Variants in ALX1 observed in about 807,000 individuals in gnomAD.
ALX1 encodes the protein ALX homeobox 1.
In ALX1, 19 loss-of-function variants were observed where a neutral mutation model predicts 31.7. That is an observed-to-expected ratio of 0.60 (90% CI 0.42 to 0.88). The LOEUF (loss-of-function observed/expected upper bound fraction) is 0.88. Ranked by LOEUF, ALX1 falls within the 40% of genes least tolerant of loss-of-function variation. ALX1 has a pLI of 0.00. For synonymous variants in ALX1, 153 were observed against 148.8 expected, an observed-to-expected ratio of 1.03 and a Z score of -0.20; for missense variants, 415 against 407.8, an observed-to-expected ratio of 1.02 and a Z score of -0.15.
In ALX1 at chr12:85,296,372, A is replaced by G. The variant is rs1001787585; in HGVS notation, c.661-4783A>G. ...CTCTCTACTGCTTTTAATTCCTTGG[A>G]AAAAAATGAGTATTAAATGAATTAG... On this transcript the variant is annotated intron_variant, in intron 3 of 3. Coordinates refer to ENST00000316824, the MANE Select transcript of ALX1 (RefSeq NM_006982.3). 2.6e-5 allele frequency among the ~76,000 whole-genome samples: 4 copies of G among 151,638 alleles called. No homozygotes were observed. In the South Asian group the frequency reaches 6.2e-4, roughly 24 times the overall value.
chr12:85,288,286 G>C (rs554270290), intron 3 of ALX1, among the ~76,000 whole-genome samples: 2 of 151,462 alleles, frequency 1.3e-5, no homozygotes, highest in South Asian at 4.2e-4. Flanking sequence ...TATTCTTATG[G>C]ATACCTTTTC....
chr12:85,297,300 G>C lies in ALX1; in HGVS notation c.661-3855G>C, dbSNP rs889091763. Among the ~76,000 whole-genome samples, 3 of 151,630 alleles carry C rather than the reference G, an allele frequency of 2.0e-5. No homozygotes were observed. In the Admixed American group the frequency reaches 2.0e-4, roughly 10 times the overall value. On this transcript the variant is annotated intron_variant, in intron 3 of 3. Coordinates refer to ENST00000316824, the MANE Select transcript of ALX1 (RefSeq NM_006982.3). ...TGTATTGGTAAGGGTAAACGGTATTGATAAGCTCAGACATATCCAGAATAA... is the reference window on the plus strand; with the variant it reads ...TGTATTGGTAAGGGTAAACGGTATTCATAAGCTCAGACATATCCAGAATAA...
intron 3 of ALX1, among the ~76,000 whole-genome samples, chr12:85,294,536 C>T (rs955222282): frequency 1.3e-5 from 2 of 151,070 alleles, no homozygotes; most frequent in African/African-American, 4.8e-5. Flanking sequence ...ATACAGTCAA[C>T]ACCAAAGAAA....
Position 85,301,705 on chromosome 12 carries a change from AG to A in ALX1, c.*231del, listed in dbSNP as rs1178282962. 1 of 572,542 alleles carries A rather than the reference AG, an allele frequency of 1.7e-6. No individual in the cohort carries two copies. Among genetic ancestry groups the A allele is most frequent in the African/African-American group, 1.9e-5 (1 of 53,304 alleles). The allele number at this position is 572,542 out of a possible 1,614,324, so 35.5% of individuals were successfully genotyped here. A position where few individuals can be genotyped will look rare whatever the true frequency, so the allele number is the denominator to read the frequency against. On this transcript the variant is annotated 3_prime_UTR_variant, in exon 4 of 4. Coordinates refer to ENST00000316824, the MANE Select transcript of ALX1 (RefSeq NM_006982.3). ...CAGTCTCCACAAACCCTGTTTTAGT[AG>A]TAAGGTTTTCTTTTTCTATTGTACA...
chr12:85,280,631 C>T, intron 1 of ALX1, 144 bp downstream of exon 1: 3 of 927,582 alleles, frequency 3.2e-6, no homozygotes, highest in East Asian at 2.6e-5. Context: ...GGAAGGTGCT[C>T]GCTTTATGAA....
At chr12:85,287,730 G>A (rs1297450153) in intron 3 of ALX1, among the ~76,000 whole-genome samples, 1 of 149,482 alleles carries the variant, frequency 6.7e-6, no homozygotes, top group African/African-American at 2.5e-5. Context: ...TTTATTTTGT[G>A]TCACTTTTTC....
At chr12:85,284,211 ATATT>A (rs1896718515) in intron 2 of ALX1, among the ~76,000 whole-genome samples, 1 of 130,758 alleles carries the variant, frequency 7.6e-6, no homozygotes, top group Non-Finnish European at 1.5e-5. Context: ...AGTAATTGGT[ATATT>A]TATTTGTTTT....
chr12:85,296,723 C>G (rs1008756224), intron 3 of ALX1, among the ~76,000 whole-genome samples: 6 of 151,576 alleles, frequency 4.0e-5, no homozygotes, highest in Non-Finnish European at 7.4e-5. Context: ...GGCAGTCAAT[C>G]TTTTTCTCTT....
At chr12:85,281,805 G>A (rs989808078) in intron 1 of ALX1, among the ~76,000 whole-genome samples, 34 of 152,078 alleles carry the variant, frequency 2.2e-4, no homozygotes, top group Admixed American at 2.6e-4. Context: ...CTGTATTTGT[G>A]GAATTCTTAG....
Position 85,286,873 on chromosome 12 carries a change from G to A in ALX1, c.552G>A (p.Arg184=). 2.5e-6 allele frequency: 4 copies of A among 1,609,440 alleles called. No individual in the cohort carries two copies. The highest frequency in any genetic ancestry group is 2.2e-5 in the South Asian group (2 of 90,522). The change falls in exon 3 of 4, where the codon AGG becomes AGA. Residue 184 remains arginine (R), a synonymous_variant. Transcript: ENST00000316824. ...ATTAGGTTTGGTTTCAAAATCGAAG[G>A]GCCAAATGGAGAAAAAGGGAACGTT... is the stretch of plus-strand genomic sequence containing the variant. ...ARVQVWFQNR[R]AKWRKRERYG...
At chr12:85,287,728 G>A (rs1896767671) in intron 3 of ALX1, among the ~76,000 whole-genome samples, 1 of 148,542 alleles carries the variant, frequency 6.7e-6, no homozygotes, top group African/African-American at 2.5e-5. Context: ...AATTTATTTT[G>A]TGTCACTTTT....
At chr12:85,299,240 A>C (rs953034650) in intron 3 of ALX1, among the ~76,000 whole-genome samples, 2 of 151,292 alleles carry the variant, frequency 1.3e-5, no homozygotes, top group African/African-American at 4.9e-5. Context: ...TGTGTGATTG[A>C]ATGTCAGAGG....
chr12:85,299,899 C>G (rs969838552), intron 3 of ALX1, among the ~76,000 whole-genome samples: 1 of 151,870 alleles, frequency 6.6e-6, no homozygotes, highest in African/African-American at 2.4e-5. Context: ...ATTGATGATT[C>G]TACTCTTACA....
chr12:85,292,209 T>C (rs1896826999), intron 3 of ALX1, among the ~76,000 whole-genome samples: 1 of 151,100 alleles, frequency 6.6e-6, no homozygotes, highest in African/African-American at 2.4e-5. Context: ...GTAAATTTAC[T>C]ATGTAGGGAT....
chr12:85,292,897 T>C (rs1896836625), intron 3 of ALX1, among the ~76,000 whole-genome samples: 1 of 150,882 alleles, frequency 6.6e-6, no homozygotes, highest in Admixed American at 6.6e-5. Context: ...CTATAATTTC[T>C]ATTTTTTCCC....
intron 3 of ALX1, among the ~76,000 whole-genome samples, chr12:85,300,082 C>A (rs1458461507): frequency 6.6e-6 from 1 of 151,892 alleles, no homozygotes; most frequent in African/African-American, 2.4e-5. Flanking sequence ...TTTACCTTCC[C>A]CAGCTCCTGC....
Position 85,280,434 on chromosome 12 carries a change from G to T in ALX1, c.173G>T (p.Arg58Leu), listed in dbSNP as rs768579174. The change falls in exon 1 of 4, where the codon CGC (arginine) becomes CTC (leucine). Residue 58 changes from arginine (R) to leucine (L), a missense_variant. Physicochemically the swap from Arg to Leu is moderately radical, Grantham distance 102. Around this residue, in one of 3 missense-constraint regions of ALX1, gnomAD observed 235 missense variants for 208.9 expected, o/e 1.13. Transcript: ENST00000316824. ...GTGCAGGCCTTCGGACCCCTGCCCC[G>T]CGCCGAGCATCACGTGCGCTTGGAG... ...KCVQAFGPLP[R>L]AEHHVRLERT... 3.3e-5 allele frequency: 53 copies of T among 1,612,222 alleles called. No individual in the cohort carries two copies. The highest frequency in any genetic ancestry group is 4.4e-5 in the Non-Finnish European group (52 of 1,180,008).
chr12:85,285,943 G>T (rs1896741292), intron 2 of ALX1, among the ~76,000 whole-genome samples: 1 of 151,856 alleles, frequency 6.6e-6, no homozygotes, highest in Non-Finnish European at 1.5e-5. Context: ...TATCCAACCT[G>T]CTGAGGAAGA....
At chr12:85,282,917 T>A (rs11116766) in intron 1 of ALX1, among the ~76,000 whole-genome samples, 25,544 of 151,926 alleles carry the variant, frequency 0.17, 4,628 homozygotes, top group African/African-American at 0.46. Flanking sequence ...AAATGCTGCT[T>A]AAATCTAATT....
Sources: allele counts gnomAD v4.1 joint callset (sites outside exome capture counted in the v4.1 genomes callset), GRCh38; gene constraint gnomAD v4.1.1; regional missense constraint gnomAD v4.1.1; transcripts MANE v1.5; gene names NCBI Gene and HGNC (gene_info 2026-07-23, HGNC 2026-07-21).